RAD51B: variants seen among roughly 807,000 people sequenced by gnomAD.
RAD51B encodes the protein RAD51 paralog B, also known as DNA repair protein RAD51 homolog 2.
RAD51B carries 38 observed loss-of-function variants against 42.2 expected under a neutral mutation model. The observed-to-expected ratio is 0.90, with a 90% CI of 0.70 to 1.18. The LOEUF (loss-of-function observed/expected upper bound fraction) is 1.18. Among genes scored for constraint, RAD51B ranks in the 50% most tolerant of loss-of-function variants. RAD51B has a pLI of 0.00. For missense variants in RAD51B, 373 were observed against 400.7 expected, an observed-to-expected ratio of 0.93 and a Z score of 0.59; for synonymous variants, 154 against 145.2, an observed-to-expected ratio of 1.06 and a Z score of -0.43.
At chr14:67,887,809 A>G (rs1256251605) in intron 7 of RAD51B, among the ~76,000 whole-genome samples, 1 of 152,178 alleles carries the variant, frequency 6.6e-6, no homozygotes, top group African/African-American at 2.4e-5. Context: ...GTGATCAGAA[A>G]TCTGAAGATG....
At chr14:68,572,264 G>A (rs7146456) in intron 10 of RAD51B, among the ~76,000 whole-genome samples, 64,643 of 152,108 alleles carry the variant, frequency 0.42, 13,906 homozygotes, top group Middle Eastern at 0.58. Context: ...TCAAACCCAC[G>A]GTGGGCTTCA....
downstream of RAD51B, among the ~76,000 whole-genome samples, chr14:68,614,157 A>G (rs1330082461): frequency 6.6e-6 from 1 of 152,222 alleles, no homozygotes; most frequent in African/African-American, 2.4e-5. Flanking sequence ...TTCAGGCCTC[A>G]GAGGCAGCCT....
chr14:68,309,088 G>A (rs1262064306), intron 8 of RAD51B, among the ~76,000 whole-genome samples: 5 of 152,110 alleles, frequency 3.3e-5, no homozygotes, highest in Non-Finnish European at 7.3e-5. Context: ...CACTTAAGAT[G>A]GGCGTTTCAT....
At chr14:67,823,410 C>A in intron 1 of RAD51B, 132 bp from the exon 2 acceptor site, 1 of 622,156 alleles carries the variant, frequency 1.6e-6, no homozygotes, top group African/African-American at 1.9e-5. Context: ...ATTTTTAACA[C>A]AATATGTTTC....
chr14:67,851,992 C>T (rs1203651799), intron 4 of RAD51B, among the ~76,000 whole-genome samples: 1 of 152,076 alleles, frequency 6.6e-6, no homozygotes, highest in African/African-American at 2.4e-5. Flanking sequence ...TGGAGGTCTA[C>T]TTACTCTCAA....
Position 68,296,128 on chromosome 14 carries a change from C to T in RAD51B, c.853+4148C>T, listed in dbSNP as rs76486896. 9.8e-3 allele frequency among the ~76,000 whole-genome samples: 1,488 copies of T among 152,286 alleles called. 30 individuals are homozygous for T. Among genetic ancestry groups the T allele is most frequent in the East Asian group, 0.055 (287 of 5,176 alleles). On this transcript the variant is annotated intron_variant, in intron 8 of 10. Coordinates refer to ENST00000471583, the MANE Select transcript of RAD51B (RefSeq NM_133510.4). ...ATCAACAACACAGTCATTTTTCCCA[C>T]TCTGTAAATCAGAATTAAACCCTAT... is the stretch of plus-strand genomic sequence containing the variant.
At chr14:67,985,986 A>T (rs2075183689) in intron 7 of RAD51B, among the ~76,000 whole-genome samples, 1 of 151,660 alleles carries the variant, frequency 6.6e-6, no homozygotes, top group South Asian at 2.1e-4. Context: ...TTGGGTTTGC[A>T]TAAGTGTTTC....
At chr14:68,314,198 C>T (rs1447559392) in intron 8 of RAD51B, among the ~76,000 whole-genome samples, 1 of 152,116 alleles carries the variant, frequency 6.6e-6, no homozygotes, top group African/African-American at 2.4e-5. Context: ...CGCCCTGCCT[C>T]GAGGAAAATA....
intron 7 of RAD51B, among the ~76,000 whole-genome samples, chr14:67,976,310 G>A (rs1315551216): frequency 6.6e-6 from 1 of 151,816 alleles, no homozygotes; most frequent in Non-Finnish European, 1.5e-5. Flanking sequence ...TAGTGATGGG[G>A]TCTCCCTATG....
At chr14:68,362,215 A>T (rs1251870569) in intron 8 of RAD51B, among the ~76,000 whole-genome samples, 1 of 152,234 alleles carries the variant, frequency 6.6e-6, no homozygotes, top group Admixed American at 6.5e-5. Context: ...CTCTCAAAAA[A>T]ATATAAATGT....
intron 7 of RAD51B, among the ~76,000 whole-genome samples, chr14:68,240,830 G>A (rs1274245415): frequency 3.9e-5 from 6 of 152,228 alleles, no homozygotes; most frequent in African/African-American, 1.4e-4. Context: ...TGGGTAAGTA[G>A]GGAAGAAGCT....
At chr14:68,215,738 A>T (rs866748876) in intron 7 of RAD51B, among the ~76,000 whole-genome samples, 6 of 152,310 alleles carry the variant, frequency 3.9e-5, no homozygotes, top group African/African-American at 1.2e-4. Flanking sequence ...CTGTCTTTAG[A>T]CTGCTTAGCA....
intron 10 of RAD51B, among the ~76,000 whole-genome samples, chr14:68,507,071 G>A (rs1885381815): frequency 1.3e-5 from 2 of 152,102 alleles, no homozygotes; most frequent in South Asian, 2.1e-4. Context: ...GAGTGTGTAT[G>A]TGGAGGGGGT....
chr14:68,270,270 G>A (rs1211588697), intron 7 of RAD51B, among the ~76,000 whole-genome samples: 1 of 152,170 alleles, frequency 6.6e-6, no homozygotes, highest in African/African-American at 2.4e-5. Context: ...AGGAGCAGAT[G>A]GTTCACTGAA....
chr14:68,651,479 A>G (rs1027879637), intron 11 of RAD51B, among the ~76,000 whole-genome samples: 6 of 152,180 alleles, frequency 3.9e-5, no homozygotes, highest in African/African-American at 1.4e-4. Flanking sequence ...GTGATGTTTA[A>G]AAGGACAAAC....
intron 10 of RAD51B, among the ~76,000 whole-genome samples, chr14:68,537,390 T>G (rs944733285): frequency 6.6e-6 from 1 of 151,540 alleles, no homozygotes; most frequent in African/African-American, 2.4e-5. Flanking sequence ...TCCCAGCTAC[T>G]CGGGAGGCTG....
chr14:68,111,592 C>A (rs939790238), intron 7 of RAD51B, among the ~76,000 whole-genome samples: 1 of 152,040 alleles, frequency 6.6e-6, no homozygotes, highest in Non-Finnish European at 1.5e-5. Context: ...AAATACAACA[C>A]AACCCCACTA....
intron 7 of RAD51B, among the ~76,000 whole-genome samples, chr14:68,231,243 G>C (rs1472334207): frequency 6.6e-6 from 1 of 152,112 alleles, no homozygotes; most frequent in Non-Finnish European, 1.5e-5. Context: ...TGGATGACCA[G>C]CTGGTTGCCA....
rs562588909 is a variant in RAD51B at position 68,102,491 on chromosome 14, G to C, written c.757-189393G>C. Among the ~76,000 whole-genome samples, 5 of 152,274 alleles carry C rather than the reference G, an allele frequency of 3.3e-5. No homozygotes were observed. In the South Asian group the frequency reaches 8.3e-4, roughly 25 times the overall value. ...GTCTGTTTTCTAAAGCATAACAAGA[G>C]TCAACTTTGCTCCATTTCCCAAAAG... is the stretch of plus-strand genomic sequence containing the variant. On this transcript the variant is annotated intron_variant, in intron 7 of 10. Coordinates refer to ENST00000471583, the MANE Select transcript of RAD51B (RefSeq NM_133510.4).
Sources: allele counts gnomAD v4.1 joint callset (sites outside exome capture counted in the v4.1 genomes callset), GRCh38; gene constraint gnomAD v4.1.1; transcripts MANE v1.5; gene names NCBI Gene and HGNC (gene_info 2026-07-23, HGNC 2026-07-21).